CUL9: variants seen among roughly 807,000 people sequenced by gnomAD.
CUL9 encodes the protein cullin-9.
A neutral mutation model predicts 272.6 loss-of-function variants in CUL9; 79 were observed. The ratio of observed to expected loss-of-function variants is 0.29; its 90% CI spans 0.24 to 0.35. The LOEUF (loss-of-function observed/expected upper bound fraction) is 0.35. Ranked by LOEUF, CUL9 falls within the 10% of genes least tolerant of loss-of-function variation. The probability of loss-of-function intolerance (pLI) is 1.00; values close to 1 mark genes in which losing one functional copy is unlikely to be tolerated. For missense variants in CUL9, 2,532 were observed against 3,255.6 expected (o/e 0.78, Z 5.41); for synonymous variants, 1,186 against 1,286.5 (o/e 0.92, Z 1.67).
chr6:43,201,517 C>T (rs562049643), intron 16 of CUL9, among the ~76,000 whole-genome samples: 4 of 152,230 alleles, frequency 2.6e-5, no homozygotes, highest in South Asian at 4.1e-4. Flanking sequence ...TCTCGCTCTG[C>T]CGCCCAGGCT....
Position 43,221,767 on chromosome 6 carries a change from T to C in CUL9, c.6835T>C (p.Cys2279Arg). 1 of 1,612,334 alleles carries C rather than the reference T, an allele frequency of 6.2e-7. No homozygotes were observed. Among genetic ancestry groups the C allele is most frequent in the Admixed American group, 1.7e-5 (1 of 60,004 alleles). The change falls in exon 35 of 41, where the codon TGC becomes CGC. Residue 2279 changes from cysteine (C) to arginine (R), a missense_variant. By Grantham distance (180) the Cys-to-Arg change is radical. Coordinates refer to ENST00000252050, the MANE Select transcript of CUL9 (RefSeq NM_015089.4). The surrounding 1 kb of genome is among the most constrained non-coding windows in gnomAD (Gnocchi z 4.2). ...GCCAAATCACAAAGACTATTACAAC[T>C]GCTCTGCCATGGTAAGGCGCTGGGC... The part of the protein sequence containing the change: ...WKPNHKDYYN[C>R]SAMVSKAARQ...
rs1347230941 is a variant in CUL9, at chr6:43,186,043, G to A, written c.839G>A (p.Gly280Glu). 6.2e-7 allele frequency: 1 copy of A among 1,614,238 alleles called. No individual in the cohort carries two copies. Among genetic ancestry groups the A allele is most frequent in the Non-Finnish European group, 8.5e-7 (1 of 1,180,040 alleles). The change falls in exon 4 of 41, where the codon GGA (glycine) becomes GAA (glutamate). Residue 280 changes from glycine (G) to glutamate (E), a missense_variant. This residue lies in a region of CUL9 where 2,218 missense variants were observed against 2,788.6 expected (regional missense o/e 0.80). Transcript: ENST00000252050. Reference protein sequence around the residue: ...LDQLNSSPELGAGDQSSPCAT... With the variant: ...LDQLNSSPELEAGDQSSPCAT... Reference sequence around the variant, plus strand: ...CAGCTGAATAGCAGTCCAGAGCTGGGAGCTGGAGACCAAAGCTCCCCATGT... The same window carrying A: ...CAGCTGAATAGCAGTCCAGAGCTGGAAGCTGGAGACCAAAGCTCCCCATGT...
chr6:43,215,275 G>T lies in CUL9; in HGVS notation c.5885G>T (p.Gly1962Val). 1 of 1,613,958 alleles carries T rather than the reference G, an allele frequency of 6.2e-7. No homozygotes were observed. Among genetic ancestry groups the T allele is most frequent in the African/African-American group, 1.3e-5 (1 of 75,074 alleles). Reference sequence around the variant, plus strand: ...CCAGAGCCCATGGGGCCCTGCCGGGGTCAGGCAGATGTCCCTTTCTGTGGC... The same window carrying T: ...CCAGAGCCCATGGGGCCCTGCCGGGTTCAGGCAGATGTCCCTTTCTGTGGC... Reference protein sequence around the residue: ...AAPEPMGPCRGQADVPFCGSQ... With the variant: ...AAPEPMGPCRVQADVPFCGSQ... The change falls in exon 30 of 41, where the codon GGT becomes GTT. Residue 1962 changes from glycine to valine, a missense_variant. Gly to Val is a moderately radical substitution (Grantham distance 109, BLOSUM62 -3). Coordinates refer to ENST00000252050, the MANE Select transcript of CUL9 (RefSeq NM_015089.4).
intron 37 of CUL9, 67 bp from the exon 38 acceptor site, chr6:43,222,712 A>C (rs2150658955): frequency 2.5e-6 from 4 of 1,606,320 alleles, no homozygotes; most frequent in Middle Eastern, 1.7e-4. Context: ...GGCTGCTTTC[A>C]TCGGACTTGC....
At chr6:43,195,140 G>A (rs186623853) in intron 9 of CUL9, among the ~76,000 whole-genome samples, 1 of 152,312 alleles carries the variant, frequency 6.6e-6, no homozygotes, top group East Asian at 1.9e-4. Context: ...GGAGGGTGGT[G>A]TAACTACAGG....
At chr6:43,182,281 C>G (rs1238654554) in intron 1 of CUL9, 32 bp downstream of exon 1, 2 of 152,328 alleles carry the variant, frequency 1.3e-5, no homozygotes, top group African/African-American at 4.8e-5. Flanking sequence ...GACCCAATCC[C>G]TCCCCTTCTC....
intron 24 of CUL9, among the ~76,000 whole-genome samples, 178 bp from the exon 25 acceptor site, chr6:43,205,829 C>CA (rs752924474): frequency 0.12 from 9,284 of 79,910 alleles, 458 homozygotes; most frequent in Admixed American, 0.16. Flanking sequence ...GACTCCGTCT[C>CA]AAAAAAAAAA....
In CUL9 at chr6:43,220,189, A is replaced by G. The variant is rs1776236631; in HGVS notation, c.6283-270A>G. On this transcript the variant is annotated intron_variant, in intron 31 of 40. Coordinates refer to ENST00000252050, the MANE Select transcript of CUL9 (RefSeq NM_015089.4). The surrounding 1 kb of genome is among the most constrained non-coding windows in gnomAD (Gnocchi z 4.9). Reference sequence around the variant, plus strand: ...GTTCTCCTTTTTCTTAATTATTTTTACCCATTCCCTCCTTGTCCATCCCAA... The same window carrying G: ...GTTCTCCTTTTTCTTAATTATTTTTGCCCATTCCCTCCTTGTCCATCCCAA... 6.6e-6 allele frequency among the ~76,000 whole-genome samples: 1 copy of G among 152,012 alleles called. No individual in the cohort carries two copies. The highest frequency in any genetic ancestry group is 2.4e-5 in the African/African-American group (1 of 41,366).
chr6:43,205,557 G>T (rs576495703), intron 24 of CUL9, 134 bp downstream of exon 24: 6 of 1,059,502 alleles, frequency 5.7e-6, no homozygotes, highest in South Asian at 4.7e-5. Flanking sequence ...CTGGCCAGGC[G>T]CGGTGGCTCA....
chr6:43,214,049 C>T (rs2150621453), intron 29 of CUL9, 137 bp downstream of exon 29: 2 of 811,590 alleles, frequency 2.5e-6, no homozygotes, highest in South Asian at 1.7e-5. Context: ...CCTGACAGAG[C>T]AGATAGACAG....
At position 43,213,516 on chromosome 6, in the gene CUL9, T is replaced by A. The variant is rs1293943655; in HGVS notation, c.5437T>A (p.Ser1813Thr). The A allele has an allele frequency of 1.2e-6, 2 of 1,611,608 alleles. No individual in the cohort carries two copies. The highest frequency in any genetic ancestry group is 2.2e-5 in the South Asian group (2 of 90,970). ...LLLQALVPLT[S>T]GNGPLTLHEG... ...GCTCCAGGCACTCGTGCCCCTCACC[T>A]CAGGGAATGGCCCTTTGACCCTGCA... Residue 1813 changes from serine to threonine, a missense_variant, in exon 28 of 41, where the codon TCA (serine) becomes ACA (threonine). Ser to Thr is a moderately conservative substitution (Grantham distance 58, BLOSUM62 1). Coordinates refer to ENST00000252050, the MANE Select transcript of CUL9 (RefSeq NM_015089.4). This position sits in a 1 kb window ranked among gnomAD's most constrained non-coding sequence, Gnocchi z 5.7.
rs550185284 is a variant in CUL9 at position 43,214,993 on chromosome 6, A to G, written c.5689-86A>G. Reference sequence around the variant, plus strand: ...CTGTCTCTTAAAAAAAAAGGGGGGGAAAAATAAGTGGCAGAGCTGGGCATT... The same window carrying G: ...CTGTCTCTTAAAAAAAAAGGGGGGGGAAAATAAGTGGCAGAGCTGGGCATT... On this transcript the variant is annotated intron_variant, in intron 29 of 40. Transcript: ENST00000252050. 908 of 1,449,046 alleles carry G rather than the reference A, an allele frequency of 6.3e-4. 1 individual carries two copies. Among genetic ancestry groups the G allele is most frequent in the Admixed American group, 1.1e-3 (46 of 42,904 alleles). 89.8% of individuals were successfully genotyped at this position (1,449,046 alleles called of 1,614,324 possible). A position where few individuals can be genotyped will look rare whatever the true frequency, so the allele number is the denominator to read the frequency against.
intron 8 of CUL9, among the ~76,000 whole-genome samples, chr6:43,189,248 G>C (rs936957445): frequency 2.6e-5 from 4 of 151,458 alleles, no homozygotes; most frequent in African/African-American, 7.3e-5. Flanking sequence ...GGAGTGCAGT[G>C]GCGCGATCTC....
chr6:43,187,949 G>A lies in CUL9; in HGVS notation c.1818G>A (p.Glu606=). 6.2e-7 allele frequency: 1 copy of A among 1,614,082 alleles called. No individual in the cohort carries two copies. Among genetic ancestry groups the A allele is most frequent in the South Asian group, 1.1e-5 (1 of 91,078 alleles). ...CCAAGTCGGAGGCCAGCTTCTCAGA[G>A]GAAGAGACTGAGTCCCTCAAAGCAA... is the stretch of plus-strand genomic sequence containing the variant. ...EESKSEASFS[E]EETESLKAKA... Residue 606 remains glutamate (E), a synonymous_variant, in exon 7 of 41, where the codon GAG becomes GAA. Coordinates refer to ENST00000252050, the MANE Select transcript of CUL9 (RefSeq NM_015089.4).
At chr6:43,212,786 G>A in intron 26 of CUL9, 1 of 200,648 alleles carries the variant, frequency 5.0e-6, no homozygotes, top group Non-Finnish European at 1.0e-5. Context: ...GATGTCTCAG[G>A]CTCACCTTGC....
chr6:43,200,077 G>C lies in CUL9; in HGVS notation c.3305G>C (p.Arg1102Pro). The C allele has an allele frequency of 2.5e-6, 4 of 1,614,162 alleles. No individual in the cohort carries two copies. Among genetic ancestry groups the C allele is most frequent in the Non-Finnish European group, 3.4e-6 (4 of 1,180,026 alleles). ...SAQLLLGCEL[R>P]DLVTECEKYA... is the part of the protein sequence containing the mutation. ...CAGCTGCTGCTGGGCTGTGAGCTTC[G>C]GGACCTGGTGACAGAGTGTGAGAAG... is the stretch of plus-strand genomic sequence containing the variant. Residue 1102 changes from arginine (R) to proline (P), a missense_variant, in exon 14 of 41, where the codon CGG becomes CCG. Arg to Pro is a moderately radical substitution (Grantham distance 103). Transcript: ENST00000252050. This position sits in a 1 kb window ranked among gnomAD's most constrained non-coding sequence, Gnocchi z 4.0.
chr6:43,203,732 GT>G lies in CUL9; in HGVS notation c.4026-120del. On this transcript the variant is annotated intron_variant, in intron 19 of 40. Coordinates refer to ENST00000252050, the MANE Select transcript of CUL9 (RefSeq NM_015089.4). This position sits in a 1 kb window ranked among gnomAD's most constrained non-coding sequence, Gnocchi z 5.0. ...AGGTGAACGTAGGTGAGAAGTTTGTGTTAATTGGGAAAAGTTGGGTCAGGGA... is the reference window on the plus strand; with the variant it reads ...AGGTGAACGTAGGTGAGAAGTTTGTGTAATTGGGAAAAGTTGGGTCAGGGA... 4 of 1,512,698 alleles carry G rather than the reference GT, an allele frequency of 2.6e-6. No individual in the cohort carries two copies. Among genetic ancestry groups the G allele is most frequent in the Non-Finnish European group, 3.6e-6 (4 of 1,122,648 alleles). 93.7% of individuals were successfully genotyped at this position (1,512,698 alleles called of 1,614,324 possible). A position where few individuals can be genotyped will look rare whatever the true frequency, so the allele number is the denominator to read the frequency against.
Position 43,206,218 on chromosome 6 carries a change from A to C in CUL9, c.5005A>C (p.Arg1669=), listed in dbSNP as rs1163735509. The C allele has an allele frequency of 3.5e-5, 56 of 1,612,086 alleles. No individual in the cohort carries two copies. Among genetic ancestry groups the C allele is most frequent in the Non-Finnish European group, 4.7e-5 (55 of 1,179,090 alleles). The change falls in exon 25 of 41, where the codon AGA becomes CGA. Residue 1669 remains arginine, a synonymous_variant. Transcript: ENST00000252050. The surrounding 1 kb of genome is among the most constrained non-coding windows in gnomAD (Gnocchi z 4.8). ...FLEQEDEEEK[R]LEEEEEEEEE... ...GGAGCAGGAAGATGAGGAGGAAAAG[A>C]GACTAGAGGAAGAGGAGGTAAGAGC...
At chr6:43,211,973 T>TA (rs1228025145) in intron 26 of CUL9, among the ~76,000 whole-genome samples, 1 of 152,232 alleles carries the variant, frequency 6.6e-6, no homozygotes, top group African/African-American at 2.4e-5. Flanking sequence ...TGCATTATCT[T>TA]ACATCTCCCT....
Sources: gnomAD v4.1 joint callset for allele counts (sites outside exome capture counted in the v4.1 genomes callset) on GRCh38, gnomAD v4.1.1 for gene constraint, gnomAD v4.1.1 regional missense constraint, Gnocchi (gnomAD v3.1) non-coding constraint, MANE v1.5 for transcripts, NCBI Gene and HGNC (gene_info 2026-07-23, HGNC 2026-07-21) for gene names.